The following GSDMB variants were observed in gnomAD, a reference collection of about 807,000 sequenced individuals.
GSDMB encodes gasdermin B.
In GSDMB, 32 loss-of-function variants were observed where a neutral mutation model predicts 42.9. The observed-to-expected ratio is 0.75, with a 90% CI of 0.56 to 1.00. GSDMB has a LOEUF of 1.00. Among genes scored for constraint, GSDMB ranks in the 50% least tolerant of loss-of-function variants. The pLI is 0.00. For missense variants in GSDMB, 468 were observed against 498.5 expected (o/e 0.94, Z 0.58); for synonymous variants, 175 against 193.7 (o/e 0.90, Z 0.80).
rs1438022023 is a variant in GSDMB, at chr17:39,909,910, T to A, written c.422A>T (p.Glu141Val). ...AATTGATCGGAATGAAAAGGGTAGT[T>A]CCCTCTTCAGCTTCCTGGAGAGAGT... is the stretch of plus-strand genomic sequence containing the variant. ...ATLENRKLKRELPFSFRSINT... is the reference protein window; with the variant it reads ...ATLENRKLKRVLPFSFRSINT... The change falls in exon 4 of 11, where the codon GAA becomes GTA. Residue 141 changes from glutamate to valine, a missense_variant. Transcript: ENST00000418519. 1 of 1,612,972 alleles carries A rather than the reference T, an allele frequency of 6.2e-7. No homozygotes were observed. The highest frequency in any genetic ancestry group is 8.5e-7 in the Non-Finnish European group (1 of 1,179,144).
At position 39,906,111 on chromosome 17, in the gene GSDMB, T is replaced by C; in HGVS notation, c.888A>G (p.Arg296=). ...KEDIRQDLEQ[R]VSEVLISGEL... ...CCAAGGCTTTCTTAGGGTCCCTTAC[T>C]CTTTGCTCTAGATCCTGCCGAATAT... Residue 296 remains arginine (R), a splice_region_variant and synonymous_variant, in exon 8 of 11, where the codon AGA becomes AGG. Coordinates refer to ENST00000418519, the MANE Select transcript of GSDMB (RefSeq NM_001165958.2). The C allele has an allele frequency of 6.2e-7, 1 of 1,614,142 alleles. No homozygotes were observed. Among genetic ancestry groups the C allele is most frequent in the Non-Finnish European group, 8.5e-7 (1 of 1,180,016 alleles).
chr17:39,909,532 T>C (rs1456126505), intron 4 of GSDMB: 4 of 515,190 alleles, frequency 7.8e-6, no homozygotes, highest in Admixed American at 6.4e-5. Context: ...CTCATCTCTA[T>C]TTAAAAAAGA....
At chr17:39,906,855 A>G in intron 7 of GSDMB, 106 bp downstream of exon 7, 1 of 1,582,288 alleles carries the variant, frequency 6.3e-7, no homozygotes, top group Non-Finnish European at 8.6e-7. Context: ...GTGCCTCCCG[A>G]CTTCCTACCC....
chr17:39,908,816 C>T, intron 5 of GSDMB, 142 bp downstream of exon 5: 1 of 681,398 alleles, frequency 1.5e-6, no homozygotes, highest in Non-Finnish European at 2.6e-6. Context: ...GTGCTGAACC[C>T]ACCCTTTTCC....
intron 10 of GSDMB, 65 bp downstream of exon 10, chr17:39,905,359 TGG>T (rs2063484942): frequency 5.5e-6 from 6 of 1,099,490 alleles, no homozygotes; most frequent in Non-Finnish European, 8.2e-6. Flanking sequence ...CTGGGACTTC[TGG>T]GTCCCTTGAG....
At chr17:39,914,536 C>T (rs7221605) in intron 2 of GSDMB, among the ~76,000 whole-genome samples, 92,944 of 151,708 alleles carry the variant, frequency 0.61, 29,737 homozygotes, top group African/African-American at 0.81. Context: ...CCAAGGCGGG[C>T]GGATCACCTG....
chr17:39,906,022 C>T (rs1324321547), intron 8 of GSDMB, 37 bp from the exon 9 acceptor site: 6 of 1,612,346 alleles, frequency 3.7e-6, no homozygotes, highest in Non-Finnish European at 5.1e-6. Context: ...GCAGCAGTCT[C>T]ACCATAGCAG....
At position 39,904,883 on chromosome 17, in the gene GSDMB, G is replaced by T. The variant is rs772044533; in HGVS notation, c.1180C>A (p.Leu394Ile). 31 of 1,612,710 alleles carry T rather than the reference G, an allele frequency of 1.9e-5. No individual in the cohort carries two copies. The South Asian group carries it at 3.1e-4, about 16-fold the overall frequency. Residue 394 changes from leucine to isoleucine, a missense_variant, in exon 11 of 11, where the codon CTC (leucine) becomes ATC (isoleucine). Leu to Ile is a conservative substitution (Grantham distance 5). Coordinates refer to ENST00000418519, the MANE Select transcript of GSDMB (RefSeq NM_001165958.2). ...DMDYDPEARI[L>I]CALYVVVSIL... ...GAGACAACAACATACAGCGCACAGAGAATTCGTGCCTCAGGGTCATAGTCC... is the reference window on the plus strand; with the variant it reads ...GAGACAACAACATACAGCGCACAGATAATTCGTGCCTCAGGGTCATAGTCC...
At chr17:39,907,064 G>A in intron 6 of GSDMB, 77 bp from the exon 7 acceptor site, 4 of 1,606,724 alleles carry the variant, frequency 2.5e-6, no homozygotes, top group Non-Finnish European at 3.4e-6. Flanking sequence ...CCCAGTGATG[G>A]AAGTTTTTAC....
At chr17:39,915,129 GC>G (rs1430120989) in intron 2 of GSDMB, among the ~76,000 whole-genome samples, 4 of 152,208 alleles carry the variant, frequency 2.6e-5, no homozygotes. Flanking sequence ...GCGCCATCAT[GC>G]CCAGCTAATT....
intron 2 of GSDMB, among the ~76,000 whole-genome samples, chr17:39,913,661 G>A (rs904424759): frequency 6.6e-6 from 1 of 152,226 alleles, no homozygotes; most frequent in African/African-American, 2.4e-5. Context: ...AACCACACAA[G>A]TATGAAGTGA....
chr17:39,906,044 T>TCTGCACTCATAGCA (rs201674348), intron 8 of GSDMB, 59 bp from the exon 9 acceptor site: 55,739 of 1,611,586 alleles, frequency 0.035, 1,134 homozygotes, highest in Non-Finnish European at 0.04. Flanking sequence ...TTATCCTCAC[T>TCTGCACTCATAGCA]GTGCCAACTG....
rs2063472705 is a variant in GSDMB at position 39,904,752 on chromosome 17, G to T, written c.*60C>A. 2 of 1,446,224 alleles carry T rather than the reference G, an allele frequency of 1.4e-6. No individual in the cohort carries two copies. The highest frequency in any genetic ancestry group is 2.3e-5 in the East Asian group (1 of 43,936). 89.6% of individuals were successfully genotyped at this position (1,446,224 alleles called of 1,614,324 possible). On this transcript the variant is annotated 3_prime_UTR_variant, in exon 11 of 11. Coordinates refer to ENST00000418519, the MANE Select transcript of GSDMB (RefSeq NM_001165958.2). ...TGACAGGATGGTAGTGGCGATGGCA[G>T]TGAGGACAGACTGGTAAAGGGAAAA...
intron 4 of GSDMB, 114 bp downstream of exon 4, chr17:39,909,642 G>A (rs1340643159): frequency 2.2e-6 from 2 of 929,138 alleles, no homozygotes; most frequent in Non-Finnish European, 3.3e-6. Context: ...GTGGCCAAGA[G>A]CAGCAGGGCT....
Position 39,911,383 on chromosome 17 carries a change from G to A in GSDMB, c.407+943C>T, listed in dbSNP as rs192449111. On this transcript the variant is annotated intron_variant, in intron 3 of 10. Coordinates refer to ENST00000418519, the MANE Select transcript of GSDMB (RefSeq NM_001165958.2). ...TACCCGCTCCACTCAAGGAGAGCAA[G>A]GCCAGGAAAACTGTGGGTCACCTTC... is the stretch of plus-strand genomic sequence containing the variant. 3.8e-3 allele frequency among the ~76,000 whole-genome samples: 579 copies of A among 151,186 alleles called. 5 individuals are homozygous for A. Among genetic ancestry groups the A allele is most frequent in the Non-Finnish European group, 2.7e-3 (185 of 67,878 alleles).
chr17:39,916,343 C>T (rs1461240687), intron 2 of GSDMB, among the ~76,000 whole-genome samples: 6 of 135,636 alleles, frequency 4.4e-5, no homozygotes, highest in African/African-American at 1.2e-4. Flanking sequence ...AGTGCAGTGG[C>T]GTGATCTCAG....
At chr17:39,910,579 C>T (rs1471086401) in intron 3 of GSDMB, among the ~76,000 whole-genome samples, 6 of 152,222 alleles carry the variant, frequency 3.9e-5, no homozygotes, top group East Asian at 1.9e-4. Flanking sequence ...GTGCCCTTCC[C>T]GTGACACTGA....
In GSDMB at chr17:39,904,944, C is replaced by T. The variant is rs780582442; in HGVS notation, c.1119G>A (p.Gln373=). The change falls in exon 11 of 11, where the codon CAG becomes CAA. Residue 373 remains glutamine (Q), a synonymous_variant. Transcript: ENST00000418519. ...LKDQVKSVME[Q]NWDELASSPP... ...GACTGCTGGCCAGCTCATCCCAGTT[C>T]TGCTCCATGACAGATTTCACCTGGA... 3 of 1,613,960 alleles carry T rather than the reference C, an allele frequency of 1.9e-6. No homozygotes were observed. The South Asian group carries it at 3.3e-5, about 18-fold the overall frequency.
intron 6 of GSDMB, 199 bp from the exon 7 acceptor site, chr17:39,907,186 C>T: frequency 1.4e-6 from 2 of 1,416,570 alleles, no homozygotes; most frequent in Non-Finnish European, 1.8e-6. Context: ...CAAAAACAGG[C>T]AGTCATAGGA....
Sources: gnomAD v4.1 joint callset for allele counts (sites outside exome capture counted in the v4.1 genomes callset) on GRCh38, gnomAD v4.1.1 for gene constraint, MANE v1.5 for transcripts, NCBI Gene and HGNC (gene_info 2026-07-23, HGNC 2026-07-21) for gene names.